The following PCDHGA5 variants were observed in gnomAD, a reference collection of about 807,000 sequenced individuals.
PCDHGA5 encodes protocadherin gamma subfamily A, 5, also known as protocadherin gamma-A5.
In PCDHGA5, 36 loss-of-function variants were observed where a neutral mutation model predicts 56.7. The observed-to-expected ratio is 0.64, with a 90% CI of 0.49 to 0.84. The LOEUF (loss-of-function observed/expected upper bound fraction) is 0.84, where lower values mean the gene tolerates loss of function less well. Among genes scored for constraint, PCDHGA5 ranks in the 40% least tolerant of loss-of-function variants. PCDHGA5 has a pLI of 0.00. For synonymous variants in PCDHGA5, 563 were observed against 520.2 expected (o/e 1.08, Z -1.12); for missense variants, 1,305 against 1,201.5 (o/e 1.09, Z -1.27).
chr5:141,371,759 C>T (rs1768010775), intron 1 of PCDHGA5: 1 of 1,614,044 alleles, frequency 6.2e-7, no homozygotes, highest in Non-Finnish European at 8.5e-7. Context: ...TCCACCAGGC[C>T]TCCTACACCG....
chr5:141,380,379 A>G (rs1484471466), intron 1 of PCDHGA5, among the ~76,000 whole-genome samples: 1 of 152,244 alleles, frequency 6.6e-6, no homozygotes, highest in Non-Finnish European at 1.5e-5. Context: ...AGTCCCAAAA[A>G]AGAAAAGAGA....
At chr5:141,398,014 C>G in intron 1 of PCDHGA5, 1 of 1,420,276 alleles carries the variant, frequency 7.0e-7, no homozygotes, top group Non-Finnish European at 9.4e-7. Flanking sequence ...AGAATCGTTT[C>G]CTAAACTGGA....
chr5:141,490,051 G>A lies in PCDHGA5; in HGVS notation c.2422-4756G>A, dbSNP rs779280988. The A allele has an allele frequency of 6.2e-6, 10 of 1,614,094 alleles. No homozygotes were observed. Among genetic ancestry groups the A allele is most frequent in the Admixed American group, 5.0e-5 (3 of 60,012 alleles). ...CCGCCTCAATGCCACTGATCCAGAC[G>A]AGGGCACCAACGGCCAACTAGACTA... On this transcript the variant is annotated intron_variant, in intron 1 of 3. Coordinates refer to ENST00000518069, the MANE Select transcript of PCDHGA5 (RefSeq NM_018918.3). The surrounding 1 kb of genome is among the most constrained non-coding windows in gnomAD (Gnocchi z 5.4).
intron 1 of PCDHGA5, among the ~76,000 whole-genome samples, chr5:141,448,985 A>G (rs2098621528): frequency 6.6e-6 from 1 of 152,026 alleles, no homozygotes; most frequent in South Asian, 2.1e-4. Context: ...TTCCATATTA[A>G]TATATAGAAA....
chr5:141,365,533 C>T lies in PCDHGA5; in HGVS notation c.1203C>T (p.Tyr401=), dbSNP rs772815348. Residue 401 remains tyrosine (Y), a synonymous_variant, in exon 1 of 4, where the codon TAC becomes TAT. Coordinates refer to ENST00000518069, the MANE Select transcript of PCDHGA5 (RefSeq NM_018918.3). Reference sequence around the variant, plus strand: ...AATTGGAGAAGTCAGTTGATAATTACTATCACCTATTAACAACTAGGGACC... The same window carrying T: ...AATTGGAGAAGTCAGTTGATAATTATTATCACCTATTAACAACTAGGGACC... The part of the protein sequence containing the change: ...PFKLEKSVDN[Y]YHLLTTRDLD... 21 of 1,613,642 alleles carry T rather than the reference C, an allele frequency of 1.3e-5. No individual in the cohort carries two copies. Among genetic ancestry groups the T allele is most frequent in the Non-Finnish European group, 1.8e-5 (21 of 1,179,852 alleles).
intron 2 of PCDHGA5, among the ~76,000 whole-genome samples, chr5:141,500,311 C>T (rs2099799036): frequency 2.0e-5 from 3 of 152,072 alleles, no homozygotes; most frequent in African/African-American, 7.2e-5. Context: ...CAGGTTCACG[C>T]CATGCTCCTG....
At chr5:141,481,739 G>A (rs1034725934) in intron 1 of PCDHGA5, among the ~76,000 whole-genome samples, 1 of 152,082 alleles carries the variant, frequency 6.6e-6, no homozygotes, top group Non-Finnish European at 1.5e-5. Flanking sequence ...GGATCACGAG[G>A]TCAGGAGTCC....
chr5:141,376,245 A>T (rs554556778), intron 1 of PCDHGA5: 4 of 1,614,180 alleles, frequency 2.5e-6, no homozygotes, highest in African/African-American at 1.3e-5. Context: ...CGCTGGCACA[A>T]GTCACGCCTG....
intron 1 of PCDHGA5, chr5:141,427,650 G>A (rs1352503291): frequency 1.4e-6 from 1 of 718,312 alleles, no homozygotes; most frequent in Admixed American, 2.0e-5. Flanking sequence ...AGTCTCCTAC[G>A]TGGTCCACGT....
chr5:141,404,725 G>A (rs1381392805), intron 1 of PCDHGA5: 1 of 1,613,980 alleles, frequency 6.2e-7, no homozygotes, highest in Non-Finnish European at 8.5e-7. Context: ...TGACCAAGGT[G>A]GTGGCAGTGG....
intron 1 of PCDHGA5, among the ~76,000 whole-genome samples, chr5:141,461,181 A>T (rs1322465700): frequency 1.3e-5 from 2 of 152,104 alleles, no homozygotes; most frequent in Non-Finnish European, 2.9e-5. Flanking sequence ...ATTGAATGGT[A>T]GATCTGTTTT....
At position 141,432,299 on chromosome 5, in the gene PCDHGA5, C is replaced by G; in HGVS notation, c.2422-62508C>G. ...GTCCATCAACTCCGACACTGGGGTA[C>G]TGTATGCGCTGAGCTCCTTCGACTA... is the stretch of plus-strand genomic sequence containing the variant. On this transcript the variant is annotated intron_variant, in intron 1 of 3. Transcript: ENST00000518069. This position sits in a 1 kb window ranked among gnomAD's most constrained non-coding sequence, Gnocchi z 6.0. The G allele has an allele frequency of 2.5e-6, 4 of 1,614,278 alleles. No homozygotes were observed. The highest frequency in any genetic ancestry group is 3.4e-6 in the Non-Finnish European group (4 of 1,180,056).
At chr5:141,368,971 T>G (rs1220013260) in intron 1 of PCDHGA5, among the ~76,000 whole-genome samples, 3 of 152,208 alleles carry the variant, frequency 2.0e-5, no homozygotes, top group Non-Finnish European at 4.4e-5. Context: ...GCTATAATGC[T>G]TTTCCACTAT....
intron 1 of PCDHGA5, chr5:141,404,217 T>C (rs1188874623): frequency 6.2e-7 from 1 of 1,613,588 alleles, no homozygotes; most frequent in Non-Finnish European, 8.5e-7. Context: ...AATATCACGG[T>C]GACTGCAACA....
intron 1 of PCDHGA5, chr5:141,374,905 C>CG (rs1561564899): frequency 1.9e-6 from 3 of 1,613,734 alleles, no homozygotes; most frequent in Non-Finnish European, 2.5e-6. Context: ...AAGGAGTCCA[C>CG]GGGGAAGTAA....
Position 141,458,657 on chromosome 5 carries a change from C to T in PCDHGA5, c.2422-36150C>T, listed in dbSNP as rs1214452360. On this transcript the variant is annotated intron_variant, in intron 1 of 3. Coordinates refer to ENST00000518069, the MANE Select transcript of PCDHGA5 (RefSeq NM_018918.3). ...CAATCCCAGCTCACTGCAACCTCCA[C>T]CTCTCGGGTTCAAGCAATTCTACTG... Among the ~76,000 whole-genome samples, 6 of 152,276 alleles carry T rather than the reference C, an allele frequency of 3.9e-5. No homozygotes were observed. In the East Asian group the frequency reaches 9.6e-4, roughly 24 times the overall value.
chr5:141,490,726 AATCAGG>A lies in PCDHGA5; in HGVS notation c.2422-4080_2422-4075del. The A allele has an allele frequency of 6.2e-7, 1 of 1,614,202 alleles. No homozygotes were observed. The highest frequency in any genetic ancestry group is 8.5e-7 in the Non-Finnish European group (1 of 1,180,032). On this transcript the variant is annotated intron_variant, in intron 1 of 3. Transcript: ENST00000518069. This position sits in a 1 kb window ranked among gnomAD's most constrained non-coding sequence, Gnocchi z 5.4. Reference sequence around the variant, plus strand: ...CCGCCTCACCTACTCCATTGTAGGAAATCAGGTTCAGGGAGCCCCAGCCTCCTCCTT... The same window carrying A: ...CCGCCTCACCTACTCCATTGTAGGAATTCAGGGAGCCCCAGCCTCCTCCTT...
chr5:141,374,837 C>T (rs1240795815), intron 1 of PCDHGA5: 1 of 1,613,766 alleles, frequency 6.2e-7, no homozygotes, highest in Non-Finnish European at 8.5e-7. Flanking sequence ...TGTAAGTGTT[C>T]CTGAAAACCT....
Position 141,372,039 on chromosome 5 carries a change from C to A in PCDHGA5, c.2421+5288C>A, listed in dbSNP as rs757866605. 4.3e-6 allele frequency: 7 copies of A among 1,613,350 alleles called. No homozygotes were observed. Among genetic ancestry groups the A allele is most frequent in the Admixed American group, 1.7e-5 (1 of 59,996 alleles). ...TACGCTCAGCGCCAACGTGAGCCTG[C>A]GCGTGTTGGTGGACGACCGCAACGA... On this transcript the variant is annotated intron_variant, in intron 1 of 3. Coordinates refer to ENST00000518069, the MANE Select transcript of PCDHGA5 (RefSeq NM_018918.3).
Sources: allele counts gnomAD v4.1 joint callset (sites outside exome capture counted in the v4.1 genomes callset), GRCh38; gene constraint gnomAD v4.1.1; non-coding constraint Gnocchi (gnomAD v3.1); transcripts MANE v1.5; gene names NCBI Gene and HGNC (gene_info 2026-07-23, HGNC 2026-07-21).